Variants in ELOVL2 observed in about 807,000 individuals in gnomAD.
ELOVL2 encodes the protein very long chain fatty acid elongase 2.
A neutral mutation model predicts 37.7 loss-of-function variants in ELOVL2; 38 were observed. That is an observed-to-expected ratio of 1.01 (90% confidence interval 0.78 to 1.32). The LOEUF is 1.32. Among genes scored for constraint, ELOVL2 ranks in the 40% most tolerant of loss-of-function variants. The probability of loss-of-function intolerance (pLI) is 0.00; values close to 1 mark genes in which losing one functional copy is unlikely to be tolerated. For missense variants in ELOVL2, 352 were observed against 363.6 expected (o/e 0.97, Z 0.26); for synonymous variants, 115 against 122.3 (o/e 0.94, Z 0.40).
At chr6:11,040,149 A>G (rs1783076910) in intron 1 of ELOVL2, among the ~76,000 whole-genome samples, 1 of 152,208 alleles carries the variant, frequency 6.6e-6, no homozygotes, top group Non-Finnish European at 1.5e-5. Context: ...GATTTCAGAC[A>G]CAGTAGACTG....
chr6:11,044,132 G>A lies in ELOVL2; in HGVS notation c.3+96C>T, dbSNP rs1783166644. The A allele has an allele frequency of 1.5e-6, 2 of 1,344,768 alleles. No individual in the cohort carries two copies. The highest frequency in any genetic ancestry group is 9.6e-7 in the Non-Finnish European group (1 of 1,038,340). The allele number at this position is 1,344,768 out of a possible 1,614,324, so 83.3% of individuals were successfully genotyped here. A position where few individuals can be genotyped will look rare whatever the true frequency, so the allele number is the denominator to read the frequency against. On this transcript the variant is annotated intron_variant, in intron 1 of 7. Coordinates refer to ENST00000354666, the MANE Select transcript of ELOVL2 (RefSeq NM_017770.4). This position sits in a 1 kb window ranked among gnomAD's most constrained non-coding sequence, Gnocchi z 5.6. ...TTCCAGCGGCGAACCCGCAGCGCCC[G>A]CGCCGGCGCCCGCTCGGCCCTTTCC...
rs1781927611 is a variant in ELOVL2, at chr6:10,981,120, TTGA to T, written c.*2658_*2660del. 2 of 152,374 alleles carry T rather than the reference TTGA, an allele frequency of 1.3e-5. No individual in the cohort carries two copies. The highest frequency in any genetic ancestry group is 4.1e-4 in the South Asian group (2 of 4,828). 9.4% of individuals were successfully genotyped at this position (152,374 alleles called of 1,614,324 possible). A position where few individuals can be genotyped will look rare whatever the true frequency, so the allele number is the denominator to read the frequency against. ...TGCCTAAGTGGTTCGATATATAATTTTGATGGCTTGACAATTGCTATGTTTAAT... is the reference window on the plus strand; with the variant it reads ...TGCCTAAGTGGTTCGATATATAATTTTGGCTTGACAATTGCTATGTTTAAT... On this transcript the variant is annotated 3_prime_UTR_variant, in exon 8 of 8. Transcript: ENST00000354666.
At position 10,983,263 on chromosome 6, in the gene ELOVL2, T is replaced by C. The variant is rs1781974518; in HGVS notation, c.*518A>G. ...AAAGAGAAGTTTTGCTAGATTTTTC[T>C]ATCTTCTGTGTATGATCCCATTTTA... On this transcript the variant is annotated 3_prime_UTR_variant, in exon 8 of 8. Coordinates refer to ENST00000354666, the MANE Select transcript of ELOVL2 (RefSeq NM_017770.4). The C allele has an allele frequency of 6.6e-6, 1 of 152,272 alleles. No homozygotes were observed. 9.4% of individuals were successfully genotyped at this position (152,272 alleles called of 1,614,324 possible).
rs202019761 is a variant in ELOVL2 at position 10,989,828 on chromosome 6, C to T, written c.640G>A (p.Val214Met). The change falls in exon 7 of 8, where the codon GTG (valine) becomes ATG (methionine). Residue 214 changes from valine (V) to methionine (M), a missense_variant. Physicochemically the swap from Val to Met is conservative, Grantham distance 21. Coordinates refer to ENST00000354666, the MANE Select transcript of ELOVL2 (RefSeq NM_017770.4). The part of the protein sequence containing the change: ...YLTQAQLVQF[V>M]LTITHTMSAV... ...CTCATGGTGTGCGTGATGGTGAGCA[C>T]GAACTGCACCTGGGGACGGCAGAGA... is the stretch of plus-strand genomic sequence containing the variant. The T allele has an allele frequency of 1.7e-5, 27 of 1,614,078 alleles. No homozygotes were observed. The highest frequency in any genetic ancestry group is 8.9e-5 in the East Asian group (4 of 44,872).
intron 5 of ELOVL2, among the ~76,000 whole-genome samples, chr6:10,994,092 G>C (rs1782219679): frequency 6.6e-6 from 1 of 151,754 alleles, no homozygotes; most frequent in East Asian, 1.9e-4. Flanking sequence ...GAGCCCAGGA[G>C]GTTAAGGCTG....
intron 4 of ELOVL2, 68 bp from the exon 5 acceptor site, chr6:10,995,246 C>CG: frequency 8.2e-7 from 1 of 1,216,002 alleles, no homozygotes; most frequent in Non-Finnish European, 1.2e-6. Flanking sequence ...CCCCACTGCT[C>CG]GGCCTTCTGC....
intron 5 of ELOVL2, among the ~76,000 whole-genome samples, chr6:10,990,983 G>A (rs1454102616): frequency 6.6e-6 from 1 of 152,210 alleles, no homozygotes; most frequent in Non-Finnish European, 1.5e-5. Context: ...AGACAGAGAA[G>A]GCTGGAGTGG....
chr6:10,983,980 T>A, intron 7 of ELOVL2, 74 bp from the exon 8 acceptor site: 1 of 1,305,772 alleles, frequency 7.7e-7, no homozygotes. Flanking sequence ...ACAGTGCATA[T>A]AGTTAAAACA....
intron 5 of ELOVL2, among the ~76,000 whole-genome samples, chr6:10,990,697 T>C (rs1296337834): frequency 1.3e-5 from 2 of 150,356 alleles, no homozygotes; most frequent in Non-Finnish European, 2.9e-5. Context: ...GGGAACACCT[T>C]ATCTACGAGG....
rs775370968 is a variant in ELOVL2, at chr6:10,994,987, A to G, written c.505+20T>C. The G allele has an allele frequency of 7.7e-6, 12 of 1,566,680 alleles. No individual in the cohort carries two copies. Among genetic ancestry groups the G allele is most frequent in the Middle Eastern group, 1.7e-4 (1 of 5,810 alleles). On this transcript the variant is annotated intron_variant, in intron 5 of 7. Transcript: ENST00000354666. ...CTAAGAGCCATTCCTCAAAACGGAA[A>G]AATTAACAAAATAACTTACTTTGTC... is the stretch of plus-strand genomic sequence containing the variant.
intron 1 of ELOVL2, among the ~76,000 whole-genome samples, chr6:11,033,253 C>T (rs537113158): frequency 1.3e-4 from 20 of 152,062 alleles, no homozygotes; most frequent in Admixed American, 3.9e-4. Context: ...CCAAACTGAC[C>T]GAGAAAAAGT....
chr6:11,030,941 T>G (rs34959022), intron 1 of ELOVL2, among the ~76,000 whole-genome samples: 13,094 of 152,238 alleles, frequency 0.086, 1,690 homozygotes, highest in African/African-American at 0.28. Context: ...ATCAACTTGA[T>G]GTCAAGCCTT....
At chr6:11,002,678 C>G (rs898674031) in intron 3 of ELOVL2, among the ~76,000 whole-genome samples, 97 of 152,356 alleles carry the variant, frequency 6.4e-4, no homozygotes, top group Middle Eastern at 3.4e-3. Flanking sequence ...ACATTTACCT[C>G]GTTGTTCAAC....
chr6:11,024,112 G>T (rs1581877636), intron 1 of ELOVL2, among the ~76,000 whole-genome samples: 1 of 152,284 alleles, frequency 6.6e-6, no homozygotes, highest in South Asian at 2.1e-4. Flanking sequence ...GAGGTGAAGA[G>T]TATTATCTAT....
At chr6:11,007,410 C>T (rs180997233) in intron 2 of ELOVL2, among the ~76,000 whole-genome samples, 4 of 152,248 alleles carry the variant, frequency 2.6e-5, no homozygotes, top group East Asian at 3.9e-4. Context: ...AAAGAGAAGA[C>T]GGCCATGTGA....
intron 6 of ELOVL2, 39 bp from the exon 7 acceptor site, chr6:10,989,876 G>A: frequency 6.2e-7 from 1 of 1,612,838 alleles, no homozygotes. Flanking sequence ...GAGCGAGCCA[G>A]GCTGTGCCAC....
intron 3 of ELOVL2, among the ~76,000 whole-genome samples, chr6:11,002,283 G>A (rs899534452): frequency 3.3e-5 from 5 of 152,194 alleles, no homozygotes; most frequent in African/African-American, 9.7e-5. Flanking sequence ...CAGGGCAAAG[G>A]TTGTGTTCTA....
At chr6:10,984,364 TTTA>T (rs1169230860) in intron 7 of ELOVL2, among the ~76,000 whole-genome samples, 13 of 152,048 alleles carry the variant, frequency 8.5e-5, no homozygotes, top group African/African-American at 1.4e-4. Flanking sequence ...TATTATATTT[TTTA>T]TTATTATTAT....
chr6:11,039,484 A>C (rs1376649263), intron 1 of ELOVL2, among the ~76,000 whole-genome samples: 1 of 152,218 alleles, frequency 6.6e-6, no homozygotes, highest in African/African-American at 2.4e-5. Flanking sequence ...TTCCCAGGGT[A>C]CATGTGATGT....
Sources: gnomAD v4.1 joint callset for allele counts (sites outside exome capture counted in the v4.1 genomes callset) on GRCh38, gnomAD v4.1.1 for gene constraint, Gnocchi (gnomAD v3.1) non-coding constraint, MANE v1.5 for transcripts, NCBI Gene and HGNC (gene_info 2026-07-23, HGNC 2026-07-21) for gene names.